Variants in TSC22D3 observed in about 807,000 individuals in gnomAD.
TSC22D3 encodes the protein TSC22 domain family member 3, also known as TSC22 domain family protein 3.
Under a neutral mutation model 11.1 loss-of-function variants are expected in TSC22D3, and 4 were observed. That is an observed-to-expected ratio of 0.36 (90% CI 0.18 to 0.83). The LOEUF (loss-of-function observed/expected upper bound fraction) is 0.83, where lower values mean the gene tolerates loss of function less well. Among genes scored for constraint, TSC22D3 ranks in the 40% least tolerant of loss-of-function variants. The probability of loss-of-function intolerance (pLI) is 0.48; values close to 1 mark genes in which losing one functional copy is unlikely to be tolerated. For missense variants in TSC22D3, 118 were observed against 159.4 expected, an observed-to-expected ratio of 0.74 and a Z score of 1.40; for synonymous variants, 77 against 70.3, an observed-to-expected ratio of 1.10 and a Z score of -0.48.
intron 1 of TSC22D3, among the ~76,000 whole-genome samples, chrX:107,746,940 C>T (rs1364022860): frequency 8.9e-6 from 1 of 112,535 alleles, no homozygotes; most frequent in Non-Finnish European, 1.9e-5. Context: ...CATTTGAAAT[C>T]CCTCACAGAG....
intron 1 of TSC22D3, among the ~76,000 whole-genome samples, chrX:107,762,922 T>A (rs1242867436): frequency 1.0e-5 from 1 of 97,216 alleles, no homozygotes; most frequent in Non-Finnish European, 2.0e-5. Flanking sequence ...AATGGCACGA[T>A]CTCGGATCAC....
chrX:107,757,357 C>T (rs753220930), intron 1 of TSC22D3, among the ~76,000 whole-genome samples: 3 of 111,826 alleles, frequency 2.7e-5, no homozygotes, highest in Non-Finnish European at 5.6e-5. Context: ...AGGAGTGGAA[C>T]TGCTCTGAGG....
intron 1 of TSC22D3, among the ~76,000 whole-genome samples, chrX:107,751,925 G>C (rs946085708): frequency 3.6e-5 from 4 of 112,483 alleles, no homozygotes; most frequent in African/African-American, 1.3e-4. Flanking sequence ...TGAAGGCCCA[G>C]GTTTAAATAA....
At chrX:107,715,012 T>G (rs1282433728) in intron 2 of TSC22D3, among the ~76,000 whole-genome samples, 2 of 111,886 alleles carry the variant, frequency 1.8e-5, no homozygotes, top group African/African-American at 6.5e-5. Context: ...CCCTGCAAGT[T>G]TCTAATGACT....
At chrX:107,737,329 A>C (rs759266445) in intron 1 of TSC22D3, among the ~76,000 whole-genome samples, 10 of 112,133 alleles carry the variant, frequency 8.9e-5, no homozygotes, top group Non-Finnish European at 1.7e-4. Context: ...GAGCTACTCA[A>C]AACTCCAGTA....
At chrX:107,759,644 G>T (rs1470000654) in intron 1 of TSC22D3, among the ~76,000 whole-genome samples, 3 of 112,747 alleles carry the variant, frequency 2.7e-5, no homozygotes, top group Non-Finnish European at 5.6e-5. Flanking sequence ...CCGAGTTGGG[G>T]TTCCTCCACG....
chrX:107,742,283 G>A (rs1466314926), intron 1 of TSC22D3, among the ~76,000 whole-genome samples: 2 of 26,955 alleles, frequency 7.4e-5, no homozygotes, highest in Non-Finnish European at 1.5e-4. Flanking sequence ...GAGAGAGAAA[G>A]AGAGAGAGAG....
rs1181767052 is a variant in TSC22D3, at chrX:107,775,319, C to T, written c.101G>A (p.Ser34Asn). ...GCTGCCCGGGTTGTTGTTCTCCCCGCTGCTGCCTCGCTGGAGCCCACTCCG... is the reference window on the plus strand; with the variant it reads ...GCTGCCCGGGTTGTTGTTCTCCCCGTTGCTGCCTCGCTGGAGCCCACTCCG... Reference protein sequence around the residue: ...AHRSGLQRGSSGENNNPGSPT... With the variant: ...AHRSGLQRGSNGENNNPGSPT... The change falls in exon 1 of 3, where the codon AGC (serine) becomes AAC (asparagine). Residue 34 changes from serine (S) to asparagine (N), a missense_variant. Ser to Asn is a conservative substitution (Grantham distance 46). Transcript: ENST00000372383. 6.6e-6 allele frequency: 8 copies of T among 1,209,744 alleles called. No homozygotes were observed. Among genetic ancestry groups the T allele is most frequent in the Non-Finnish European group, 8.9e-6 (8 of 894,996 alleles).
At chrX:107,737,806 T>C (rs1018474286) in intron 1 of TSC22D3, among the ~76,000 whole-genome samples, 24 of 111,956 alleles carry the variant, frequency 2.1e-4, no homozygotes, top group Middle Eastern at 4.6e-3. Context: ...TGAGTTCCCA[T>C]TGAGAAAACA....
chrX:107,748,525 G>A lies in TSC22D3; in HGVS notation c.320+26575C>T, dbSNP rs189394142. On this transcript the variant is annotated intron_variant, in intron 1 of 2. Transcript: ENST00000372383. ...GCTTCTGAAATGGTTCACAAATAAG[G>A]CTGGTGGATCTGGGGCACGGTGGGA... 1.1e-3 allele frequency among the ~76,000 whole-genome samples: 120 copies of A among 111,680 alleles called. 1 individual carries two copies. The highest frequency in any genetic ancestry group is 3.8e-3 in the African/African-American group (118 of 30,725).
intron 1 of TSC22D3, among the ~76,000 whole-genome samples, chrX:107,728,938 G>A (rs775461733): frequency 4.5e-4 from 50 of 111,641 alleles, no homozygotes; most frequent in Non-Finnish European, 7.3e-4. Flanking sequence ...ATGGGTCCTG[G>A]TTATCTGGTG....
At chrX:107,723,394 T>C (rs1927451732) in intron 1 of TSC22D3, among the ~76,000 whole-genome samples, 1 of 112,532 alleles carries the variant, frequency 8.9e-6, no homozygotes, top group Admixed American at 9.4e-5. Flanking sequence ...TGGGCTCACC[T>C]CTCCGTGCCA....
intron 1 of TSC22D3, among the ~76,000 whole-genome samples, chrX:107,771,605 CAAAT>C (rs747807310): frequency 0.015 from 1,662 of 112,071 alleles, 28 homozygotes; most frequent in African/African-American, 0.051. Context: ...AATAAATAAA[CAAAT>C]AAATAAATAA....
At chrX:107,751,594 C>T (rs1034935465) in intron 1 of TSC22D3, among the ~76,000 whole-genome samples, 12 of 112,101 alleles carry the variant, frequency 1.1e-4, no homozygotes, top group African/African-American at 1.6e-4. Context: ...CAGGTATGCA[C>T]GAGGGAGGAT....
chrX:107,761,918 T>C (rs1418211305), intron 1 of TSC22D3, among the ~76,000 whole-genome samples: 1 of 111,930 alleles, frequency 8.9e-6, no homozygotes, highest in Non-Finnish European at 1.9e-5. Context: ...CATAATGAAT[T>C]TTCTTTTGTG....
rs138575903 is a variant in TSC22D3, at chrX:107,775,255, C to G, written c.165G>C (p.Leu55=). The change falls in exon 1 of 3, where the codon CTG becomes CTC. Residue 55 remains leucine, a synonymous_variant. Transcript: ENST00000372383. ...VSNFRQLQEK[L]VFENLNTDKL... Reference sequence around the variant, plus strand: ...TGTCGGTATTGAGGTTCTCAAAGACCAGCTTTTCCTGCAGCTGCCGAAAGT... The same window carrying G: ...TGTCGGTATTGAGGTTCTCAAAGACGAGCTTTTCCTGCAGCTGCCGAAAGT... The G allele has an allele frequency of 1.2e-3, 1,448 of 1,210,717 alleles. 1 individual carries two copies. The highest frequency in any genetic ancestry group is 1.5e-3 in the Non-Finnish European group (1,333 of 895,396).
rs144183922 is a variant in TSC22D3 at position 107,729,367 on chromosome X, A to C, written c.321-13417T>G. Among the ~76,000 whole-genome samples, 714 of 111,513 alleles carry C rather than the reference A, an allele frequency of 6.4e-3. 8 individuals are homozygous for C. The highest frequency in any genetic ancestry group is 0.022 in the African/African-American group (685 of 30,644). Reference sequence around the variant, plus strand: ...TTACCAAGAGCCTGCTGCGAACCCAAAGGAATGAGTCTAGTGGGAGAAATT... The same window carrying C: ...TTACCAAGAGCCTGCTGCGAACCCACAGGAATGAGTCTAGTGGGAGAAATT... On this transcript the variant is annotated intron_variant, in intron 1 of 2. Coordinates refer to ENST00000372383, the MANE Select transcript of TSC22D3 (RefSeq NM_198057.3).
In TSC22D3 at chrX:107,775,683, C is replaced by T; in HGVS notation, c.-264G>A. On this transcript the variant is annotated 5_prime_UTR_variant, in exon 1 of 3. Transcript: ENST00000372383. ...TTCCTCCTCTTCCTCCTTCTCCTCCCCCTCCTCTTGAGGCCGGGGGCCGCC... is the reference window on the plus strand; with the variant it reads ...TTCCTCCTCTTCCTCCTTCTCCTCCTCCTCCTCTTGAGGCCGGGGGCCGCC... 2 of 248,126 alleles carry T rather than the reference C, an allele frequency of 8.1e-6. No individual in the cohort carries two copies. The allele number at this position is 248,126 out of a possible 1,213,427, so 20.4% of individuals were successfully genotyped here.
chrX:107,725,661 CTATG>C (rs1392514388), intron 1 of TSC22D3, among the ~76,000 whole-genome samples: 1 of 111,790 alleles, frequency 8.9e-6, no homozygotes, highest in Non-Finnish European at 1.9e-5. Context: ...GTGAGATCTA[CTATG>C]AGAGAGATGA....
Sources: gnomAD v4.1 joint callset for allele counts (sites outside exome capture counted in the v4.1 genomes callset) on GRCh38, gnomAD v4.1.1 for gene constraint, MANE v1.5 for transcripts, NCBI Gene and HGNC (gene_info 2026-07-23, HGNC 2026-07-21) for gene names.